The following NOTCH2NLC variants were observed in gnomAD, a reference collection of about 807,000 sequenced individuals.
NOTCH2NLC encodes the protein notch 2 N-terminal like C.
In NOTCH2NLC, 4 loss-of-function variants were observed where a neutral mutation model predicts 17.7. The ratio of observed to expected loss-of-function variants is 0.23; its 90% confidence interval spans 0.11 to 0.52. The LOEUF (loss-of-function observed/expected upper bound fraction) is 0.52, where lower values mean the gene tolerates loss of function less well. NOTCH2NLC is among the 20% of genes least tolerant of loss of function. The pLI is 0.96. For missense variants in NOTCH2NLC, 57 were observed against 207.2 expected (o/e 0.28, Z 4.45); for synonymous variants, 18 against 86.0 (o/e 0.21, Z 4.38).
chr1:149,398,925 T>C (rs2084227824), intron 1 of NOTCH2NLC, among the ~76,000 whole-genome samples: 2 of 152,298 alleles, frequency 1.3e-5, no homozygotes, highest in South Asian at 4.1e-4. Flanking sequence ...CTATGGGTGT[T>C]GCAGAACCTG....
intron 1 of NOTCH2NLC, among the ~76,000 whole-genome samples, chr1:149,400,139 A>ATATTTTT (rs1570899101): frequency 7.6e-6 from 1 of 131,976 alleles, no homozygotes; most frequent in Non-Finnish European, 1.6e-5. Context: ...TATAATATAT[A>ATATTTTT]TTTTTTTTTT....
At position 149,404,002 on chromosome 1, in the gene NOTCH2NLC, CA is replaced by C. The variant is rs1464174386; in HGVS notation, c.135+13083del. ...ATCTGGAGCTGAAGCCACAATATCA[CA>C]AAGGTATGCTTGTATTATGCAAATT... On this transcript the variant is annotated intron_variant, in intron 1 of 4. Coordinates refer to ENST00000650865, the MANE Select transcript of NOTCH2NLC (RefSeq NM_001364013.2). Among the ~76,000 whole-genome samples the C allele has an allele frequency of 1.3e-4, 20 of 150,558 alleles. 1 individual carries two copies. In the East Asian group the frequency reaches 3.7e-3, roughly 28 times the overall value.
intron 1 of NOTCH2NLC, among the ~76,000 whole-genome samples, chr1:149,416,794 T>A (rs1236993913): frequency 1.8e-4 from 26 of 148,400 alleles, no homozygotes; most frequent in African/African-American, 6.2e-4. Flanking sequence ...AGTTGGCAAG[T>A]TTTCAAAAGT....
chr1:149,429,353 G>A (rs1279883910), intron 1 of NOTCH2NLC, among the ~76,000 whole-genome samples: 19 of 150,240 alleles, frequency 1.3e-4, no homozygotes, highest in African/African-American at 4.4e-4. Context: ...GTAGTGGGAA[G>A]CAGTGTATCT....
chr1:149,454,711 T>A (rs2101507034), intron 2 of NOTCH2NLC, among the ~76,000 whole-genome samples: 1 of 151,278 alleles, frequency 6.6e-6, no homozygotes, highest in African/African-American at 2.4e-5. Flanking sequence ...CTTTCCCTTT[T>A]TCTGTTGTAA....
intron 3 of NOTCH2NLC, among the ~76,000 whole-genome samples, chr1:149,460,883 CTTTCTTTCTT>C (rs2084643461): frequency 7.5e-6 from 1 of 132,620 alleles, no homozygotes; most frequent in Non-Finnish European, 1.6e-5. Context: ...TTCTTTCTTT[CTTTCTTTCTT>C]TCTTTCTTTC....
chr1:149,445,901 T>TAAA (rs1182076544), intron 2 of NOTCH2NLC, among the ~76,000 whole-genome samples: 4 of 72,616 alleles, frequency 5.5e-5, no homozygotes, highest in African/African-American at 1.1e-4. Flanking sequence ...ATCCTCGTTT[T>TAAA]AAAAAAAAAA....
intron 2 of NOTCH2NLC, among the ~76,000 whole-genome samples, chr1:149,433,879 C>T (rs2084468003): frequency 2.0e-5 from 3 of 149,854 alleles, no homozygotes; most frequent in South Asian, 2.1e-4. Flanking sequence ...ACCCAGGAGG[C>T]GGAGCTTGCA....
At chr1:149,416,903 G>A (rs1193390998) in intron 1 of NOTCH2NLC, among the ~76,000 whole-genome samples, 1 of 141,186 alleles carries the variant, frequency 7.1e-6, no homozygotes, top group Non-Finnish European at 1.6e-5. Context: ...AGCATTGGCA[G>A]CCCCTCTTGT....
In NOTCH2NLC at chr1:149,466,160, CTG is replaced by C. The variant is rs2084681529; in HGVS notation, c.*2009_*2010del. 1 of 111,542 alleles carries C rather than the reference CTG, an allele frequency of 9.0e-6. No individual in the cohort carries two copies. Among genetic ancestry groups the C allele is most frequent in the African/African-American group, 3.5e-5 (1 of 28,872 alleles). 6.9% of individuals were successfully genotyped at this position (111,542 alleles called of 1,614,324 possible). A position where few individuals can be genotyped will look rare whatever the true frequency, so the allele number is the denominator to read the frequency against. ...AAAACTTTTCGTTAAATGCTTTAAG[CTG>C]TTTGGGTTAAAAATATATGTTCATG... is the stretch of plus-strand genomic sequence containing the variant. On this transcript the variant is annotated 3_prime_UTR_variant, in exon 5 of 5. Coordinates refer to ENST00000650865, the MANE Select transcript of NOTCH2NLC (RefSeq NM_001364013.2).
intron 1 of NOTCH2NLC, among the ~76,000 whole-genome samples, chr1:149,399,245 T>C (rs1388404586): frequency 2.0e-5 from 3 of 151,060 alleles, no homozygotes; most frequent in African/African-American, 7.3e-5. Flanking sequence ...TCTTTTTTTT[T>C]GTGAGAAGAT....
At position 149,464,916 on chromosome 1, in the gene NOTCH2NLC, G is replaced by A; in HGVS notation, c.*763G>A. ...ATAATGGGATTGTGTGTTTTATTTT[G>A]GAGGAATTAAAGGTCATAGTTTGGT... On this transcript the variant is annotated 3_prime_UTR_variant, in exon 5 of 5. Coordinates refer to ENST00000650865, the MANE Select transcript of NOTCH2NLC (RefSeq NM_001364013.2). The A allele has an allele frequency of 1.4e-5, 2 of 148,000 alleles. 1 individual carries two copies. 9.2% of individuals were successfully genotyped at this position (148,000 alleles called of 1,614,324 possible).
rs1255941480 is a variant in NOTCH2NLC, at chr1:149,460,632, C to T, written c.470-2859C>T. 2.3e-4 allele frequency among the ~76,000 whole-genome samples: 34 copies of T among 148,986 alleles called. No homozygotes were observed. The South Asian group carries it at 4.1e-3, about 18-fold the overall frequency. On this transcript the variant is annotated intron_variant, in intron 3 of 4. Transcript: ENST00000650865. The stretch of plus-strand genomic sequence containing the variant: ...GATTACAGGTGTGAGCCACCACACC[C>T]GGCCGATTCTGATCATCTTTTATAC...
intron 2 of NOTCH2NLC, among the ~76,000 whole-genome samples, chr1:149,438,360 TAGA>T (rs1298234561): frequency 1.4e-4 from 8 of 57,496 alleles, no homozygotes; most frequent in African/African-American, 4.3e-4. Context: ...GTGGATGAAA[TAGA>T]AGAAGAGGGC....
In NOTCH2NLC at chr1:149,417,387, C is replaced by G. The variant is rs1438919409; in HGVS notation, c.136-13555C>G. Among the ~76,000 whole-genome samples, 3 of 151,084 alleles carry G rather than the reference C, an allele frequency of 2.0e-5. 1 individual carries two copies. Among genetic ancestry groups the G allele is most frequent in the Non-Finnish European group, 4.4e-5 (3 of 67,592 alleles). On this transcript the variant is annotated intron_variant, in intron 1 of 4. Coordinates refer to ENST00000650865, the MANE Select transcript of NOTCH2NLC (RefSeq NM_001364013.2). ...CCTCCCAAAGTGCTGGGATTACAGG[C>G]GTGAGCCACCGCGCCCGGCCGGATA...
intron 1 of NOTCH2NLC, among the ~76,000 whole-genome samples, chr1:149,416,221 ATT>A (rs2084334427): frequency 1.1e-5 from 1 of 92,578 alleles, no homozygotes; most frequent in Non-Finnish European, 2.2e-5. Context: ...CTAAATTGGG[ATT>A]CAACATCATG....
intron 2 of NOTCH2NLC, among the ~76,000 whole-genome samples, chr1:149,435,832 G>T (rs1330709825): frequency 3.2e-4 from 46 of 142,790 alleles, no homozygotes; most frequent in Admixed American, 2.1e-3. Flanking sequence ...CAGTATCGCA[G>T]GACTTCCGTT....
intron 1 of NOTCH2NLC, among the ~76,000 whole-genome samples, chr1:149,426,634 T>A (rs2101485223): frequency 7.6e-6 from 1 of 130,818 alleles, no homozygotes; most frequent in East Asian, 2.6e-4. Flanking sequence ...AAACAGCAGA[T>A]ACACACACAG....
intron 1 of NOTCH2NLC, among the ~76,000 whole-genome samples, chr1:149,399,566 A>T (rs2084231698): frequency 1.1e-5 from 1 of 92,846 alleles, no homozygotes; most frequent in African/African-American, 4.3e-5. Context: ...GTGTATTTCG[A>T]TTATTTTATT....
Sources: allele counts gnomAD v4.1 joint callset (sites outside exome capture counted in the v4.1 genomes callset), GRCh38; gene constraint gnomAD v4.1.1; transcripts MANE v1.5; gene names NCBI Gene and HGNC (gene_info 2026-07-23, HGNC 2026-07-21).